ZCCHC7: variants seen among roughly 807,000 people sequenced by gnomAD.
ZCCHC7 encodes the protein zinc finger CCHC-type containing 7, also known as zinc finger CCHC domain-containing protein 7.
A neutral mutation model predicts 52.0 loss-of-function variants in ZCCHC7; 35 were observed. The ratio of observed to expected loss-of-function variants is 0.67; its 90% confidence interval spans 0.51 to 0.89. The LOEUF is 0.89. ZCCHC7 is among the 40% of genes least tolerant of loss of function. The pLI is 0.00. For synonymous variants in ZCCHC7, 217 were observed against 221.5 expected (o/e 0.98, Z 0.18); for missense variants, 574 against 649.1 (o/e 0.88, Z 1.26).
chr9:37,168,114 G>T (rs1821528486), intron 2 of ZCCHC7, among the ~76,000 whole-genome samples: 1 of 152,168 alleles, frequency 6.6e-6, no homozygotes, highest in African/African-American at 2.4e-5. Flanking sequence ...AGTTTGTCAA[G>T]AGTCTACCTG....
rs1207228410 is a variant in ZCCHC7 at position 37,126,455 on chromosome 9, T to C, written c.123T>C (p.Tyr41=). Residue 41 remains tyrosine, a synonymous_variant, in exon 2 of 9, where the codon TAT becomes TAC. Coordinates refer to ENST00000336755, the MANE Select transcript of ZCCHC7 (RefSeq NM_032226.3). ...VEFQLYSQIH[Y]AQDLDDVIRE... ...TTCAACTCTATAGCCAAATTCATTA[T>C]GCCCAAGATCTTGATGATGTCATCA... is the stretch of plus-strand genomic sequence containing the variant. 6.2e-7 allele frequency: 1 copy of C among 1,613,710 alleles called. No homozygotes were observed. Among genetic ancestry groups the C allele is most frequent in the Non-Finnish European group, 8.5e-7 (1 of 1,180,034 alleles).
chr9:37,277,869 G>C (rs1451939457), intron 2 of ZCCHC7, among the ~76,000 whole-genome samples: 1 of 152,034 alleles, frequency 6.6e-6, no homozygotes. Context: ...TCATTCACAA[G>C]ATGTAGAATA....
At chr9:37,160,818 C>T (rs1307287105) in intron 2 of ZCCHC7, among the ~76,000 whole-genome samples, 1 of 151,782 alleles carries the variant, frequency 6.6e-6, no homozygotes, top group African/African-American at 2.4e-5. Flanking sequence ...CCTGGGAGGC[C>T]GAGGTTGCAG....
intron 2 of ZCCHC7, among the ~76,000 whole-genome samples, chr9:37,272,544 C>T (rs1402703283): frequency 1.3e-5 from 2 of 149,342 alleles, no homozygotes; most frequent in Admixed American, 1.3e-4. Context: ...GTACTGCTGA[C>T]GCACATCCCT....
At chr9:37,209,686 T>C (rs1293017681) in intron 2 of ZCCHC7, among the ~76,000 whole-genome samples, 1 of 152,236 alleles carries the variant, frequency 6.6e-6, no homozygotes, top group Admixed American at 6.5e-5. Flanking sequence ...CAAATACTTC[T>C]TGAATGCATG....
chr9:37,169,526 CT>C (rs1281417871), intron 2 of ZCCHC7, among the ~76,000 whole-genome samples: 1 of 152,152 alleles, frequency 6.6e-6, no homozygotes, highest in African/African-American at 2.4e-5. Flanking sequence ...ACTATGGATA[CT>C]TTATCTTAAG....
chr9:37,301,723 T>C (rs936588651), intron 2 of ZCCHC7, among the ~76,000 whole-genome samples: 2 of 152,322 alleles, frequency 1.3e-5, no homozygotes, highest in Middle Eastern at 3.4e-3. Context: ...CCAGTGTCAG[T>C]CATCTCCCTC....
chr9:37,339,944 A>G (rs2118463922), intron 6 of ZCCHC7, among the ~76,000 whole-genome samples: 1 of 152,282 alleles, frequency 6.6e-6, no homozygotes, highest in East Asian at 1.9e-4. Context: ...CAGCAGGTTC[A>G]TTTGCATAAA....
intron 5 of ZCCHC7, among the ~76,000 whole-genome samples, chr9:37,309,755 C>CT (rs1258508930): frequency 1.3e-5 from 2 of 152,118 alleles, no homozygotes; most frequent in African/African-American, 4.8e-5. Flanking sequence ...AACCCCATCC[C>CT]TACTAAAAGT....
intron 2 of ZCCHC7, among the ~76,000 whole-genome samples, chr9:37,300,190 T>C (rs1374843464): frequency 6.6e-6 from 1 of 152,260 alleles, no homozygotes; most frequent in Admixed American, 6.5e-5. Flanking sequence ...GTTTTCTGTT[T>C]ATGTGTAAAT....
chr9:37,349,795 C>CT (rs1431345625), intron 7 of ZCCHC7, among the ~76,000 whole-genome samples: 292 of 149,162 alleles, frequency 2.0e-3, no homozygotes, highest in African/African-American at 4.6e-3. Flanking sequence ...TTTAGATTTT[C>CT]TTTTTTTTTT....
At position 37,208,010 on chromosome 9, in the gene ZCCHC7, T is replaced by G. The variant is rs191730177; in HGVS notation, c.610+81068T>G. 3.3e-5 allele frequency among the ~76,000 whole-genome samples: 5 copies of G among 152,332 alleles called. No individual in the cohort carries two copies. In the East Asian group the frequency reaches 7.7e-4, roughly 23 times the overall value. On this transcript the variant is annotated intron_variant, in intron 2 of 8. Coordinates refer to ENST00000336755, the MANE Select transcript of ZCCHC7 (RefSeq NM_032226.3). The stretch of plus-strand genomic sequence containing the variant: ...TCCTGTACTCTGGCCCTCCTTTCTG[T>G]GTTAGTGGTGTTCACATCAGTTTTT...
intron 5 of ZCCHC7, among the ~76,000 whole-genome samples, chr9:37,316,430 T>C (rs1258817683): frequency 1.4e-5 from 2 of 147,560 alleles, no homozygotes; most frequent in African/African-American, 5.1e-5. Flanking sequence ...CAATATCCAG[T>C]GATTTAAAAC....
intron 2 of ZCCHC7, among the ~76,000 whole-genome samples, chr9:37,268,697 A>G (rs969814799): frequency 3.3e-5 from 5 of 152,188 alleles, no homozygotes; most frequent in Admixed American, 6.5e-5. Flanking sequence ...AAGTGCTGGG[A>G]TTACAGGCGT....
chr9:37,127,431 T>A (rs1842592251), intron 2 of ZCCHC7, among the ~76,000 whole-genome samples: 1 of 152,108 alleles, frequency 6.6e-6, no homozygotes, highest in Non-Finnish European at 1.5e-5. Context: ...GGATTTTAGG[T>A]ACTCCACAGT....
intron 2 of ZCCHC7, among the ~76,000 whole-genome samples, chr9:37,298,841 G>A (rs964649140): frequency 1.3e-5 from 2 of 152,012 alleles, no homozygotes; most frequent in Non-Finnish European, 2.9e-5. Context: ...TAAAATTGAG[G>A]TATTATCCAT....
At chr9:37,175,557 C>T (rs1022021560) in intron 2 of ZCCHC7, among the ~76,000 whole-genome samples, 32 of 152,062 alleles carry the variant, frequency 2.1e-4, no homozygotes, top group African/African-American at 7.5e-4. Context: ...CCCCGCACAC[C>T]GCAGCCCATC....
chr9:37,242,037 A>AT (rs1436171544), intron 2 of ZCCHC7, among the ~76,000 whole-genome samples: 1 of 151,562 alleles, frequency 6.6e-6, no homozygotes, highest in Non-Finnish European at 1.5e-5. Context: ...TTCCATTAGT[A>AT]TTTTTTCTCC....
chr9:37,130,189 G>C (rs548688884), intron 2 of ZCCHC7, among the ~76,000 whole-genome samples: 98 of 146,638 alleles, frequency 6.7e-4, no homozygotes, highest in African/African-American at 2.1e-3. Context: ...AGTGAGCTGA[G>C]ATTGCACCAT....
Sources: gnomAD v4.1 joint callset for allele counts (sites outside exome capture counted in the v4.1 genomes callset) on GRCh38, gnomAD v4.1.1 for gene constraint, MANE v1.5 for transcripts, NCBI Gene and HGNC (gene_info 2026-07-23, HGNC 2026-07-21) for gene names.